ARHGEF3: variants seen among roughly 807,000 people sequenced by gnomAD.
ARHGEF3 encodes the protein 59.8 kDA protein.
ARHGEF3 carries 28 observed loss-of-function variants against 63.2 expected under a neutral mutation model. That is an observed-to-expected ratio of 0.44 (90% CI 0.33 to 0.61). The LOEUF (loss-of-function observed/expected upper bound fraction) is 0.61. Among genes scored for constraint, ARHGEF3 ranks in the 20% least tolerant of loss-of-function variants. ARHGEF3 has a pLI of 0.03. For missense variants in ARHGEF3, 533 were observed against 659.3 expected, an observed-to-expected ratio of 0.81 and a Z score of 2.10; for synonymous variants, 266 against 254.2, an observed-to-expected ratio of 1.05 and a Z score of -0.44.
intron 4 of ARHGEF3, among the ~76,000 whole-genome samples, chr3:56,836,782 C>A (rs954436667): frequency 2.0e-5 from 3 of 152,082 alleles, no homozygotes; most frequent in Admixed American, 2.0e-4. Flanking sequence ...CAAAAATTAG[C>A]TGGGTATGGT....
intron 1 of ARHGEF3, among the ~76,000 whole-genome samples, chr3:57,054,685 C>A (rs1175485007): frequency 6.9e-6 from 1 of 145,602 alleles, no homozygotes; most frequent in Admixed American, 6.9e-5. Flanking sequence ...CACTCTGTCA[C>A]CAGGCTGGAG....
intron 2 of ARHGEF3, among the ~76,000 whole-genome samples, chr3:56,755,527 A>C (rs922878428): frequency 6.6e-6 from 1 of 152,172 alleles, no homozygotes; most frequent in African/African-American, 2.4e-5. Flanking sequence ...GATGGCCTTT[A>C]TTTATTCAAA....
At chr3:56,885,735 T>G (rs2040901522) in intron 3 of ARHGEF3, among the ~76,000 whole-genome samples, 1 of 152,188 alleles carries the variant, frequency 6.6e-6, no homozygotes, top group Non-Finnish European at 1.5e-5. Flanking sequence ...GTCTTTTTAA[T>G]TCAGCCATAG....
At chr3:56,758,123 CA>C (rs113443437) in intron 2 of ARHGEF3, among the ~76,000 whole-genome samples, 2 of 150,816 alleles carry the variant, frequency 1.3e-5, no homozygotes, top group East Asian at 2.0e-4. Flanking sequence ...ATTAAAAATA[CA>C]AAAAAAATTA....
chr3:56,958,387 G>C (rs1700136075), intron 3 of ARHGEF3, among the ~76,000 whole-genome samples: 1 of 150,786 alleles, frequency 6.6e-6, no homozygotes, highest in African/African-American at 2.4e-5. Flanking sequence ...GGAGTGCAGT[G>C]GCATGATCTC....
chr3:56,753,612 C>T (rs1277213639), intron 3 of ARHGEF3, 46 bp from the exon 4 acceptor site: 1 of 1,560,608 alleles, frequency 6.4e-7, no homozygotes, highest in South Asian at 1.1e-5. Flanking sequence ...CCTTCATTTA[C>T]AAGACCATAT....
At chr3:56,936,778 C>T (rs1416391480) in intron 3 of ARHGEF3, among the ~76,000 whole-genome samples, 2 of 152,104 alleles carry the variant, frequency 1.3e-5, no homozygotes, top group East Asian at 3.9e-4. Context: ...GGACTGCAGT[C>T]GCACAATCAC....
chr3:56,946,445 G>A (rs543574663), intron 3 of ARHGEF3, among the ~76,000 whole-genome samples: 3 of 152,312 alleles, frequency 2.0e-5, no homozygotes, highest in African/African-American at 7.2e-5. Context: ...GACTGATGGA[G>A]CTGAAAACAA....
chr3:56,994,580 C>G (rs1701900020), intron 2 of ARHGEF3, among the ~76,000 whole-genome samples: 1 of 152,082 alleles, frequency 6.6e-6, no homozygotes, highest in South Asian at 2.1e-4. Flanking sequence ...TTTCCACCAC[C>G]CTCGCTGAAG....
chr3:56,983,257 T>A (rs920681578), intron 2 of ARHGEF3, among the ~76,000 whole-genome samples: 1 of 152,030 alleles, frequency 6.6e-6, no homozygotes, highest in African/African-American at 2.4e-5. Context: ...TTTTAAAAAA[T>A]CTCATCACTA....
At chr3:56,956,607 G>A (rs1700054526) in intron 3 of ARHGEF3, among the ~76,000 whole-genome samples, 1 of 152,222 alleles carries the variant, frequency 6.6e-6, no homozygotes, top group African/African-American at 2.4e-5. Context: ...AATTGTCCCA[G>A]TTAGCCTGGT....
Position 56,753,534 on chromosome 3 carries a change from G to A in ARHGEF3, c.408C>T (p.Asp136=), listed in dbSNP as rs1238229364. The A allele has an allele frequency of 6.8e-6, 11 of 1,613,694 alleles. No homozygotes were observed. The highest frequency in any genetic ancestry group is 1.3e-5 in the African/African-American group (1 of 74,884). The change falls in exon 4 of 10, where the codon GAC becomes GAT. Residue 136 remains aspartate, a synonymous_variant. Coordinates refer to ENST00000296315, the MANE Select transcript of ARHGEF3 (RefSeq NM_019555.3). ...TTGCTAATTTCAAGTCTTCTATCAA[G>A]TCTTCTTCTCCTTGGGAAAGCTCAA... is the stretch of plus-strand genomic sequence containing the variant. The part of the protein sequence containing the change: ...AIFELSQGEE[D]LIEDLKLAKK...
At position 57,039,711 on chromosome 3, in the gene ARHGEF3, T is replaced by C. The variant is rs556979143; in HGVS notation, c.-27-4535A>G. ...CCTCGGCTTGTGGCTCCTCCTCTTGTTTTCATTGCCAGCAATGGTATCTTC... is the reference window on the plus strand; with the variant it reads ...CCTCGGCTTGTGGCTCCTCCTCTTGCTTTCATTGCCAGCAATGGTATCTTC... On this transcript the variant is annotated intron_variant, in intron 1 of 12. Transcript: ENST00000338458. Among the ~76,000 whole-genome samples, 26 of 152,294 alleles carry C rather than the reference T, an allele frequency of 1.7e-4. 1 individual carries two copies. The South Asian group carries it at 5.2e-3, about 30-fold the overall frequency.
rs1412331586 is a variant in ARHGEF3 at position 56,838,574 on chromosome 3, T to C, written c.192+43718A>G. On this transcript the variant is annotated intron_variant, in intron 4 of 12. Transcript: ENST00000338458. Reference sequence around the variant, plus strand: ...TCTAAGAAGCCCCAGTACATAGTTATATCATCTTAACAGTTAGCAGCTGCA... The same window carrying C: ...TCTAAGAAGCCCCAGTACATAGTTACATCATCTTAACAGTTAGCAGCTGCA... Among the ~76,000 whole-genome samples the C allele has an allele frequency of 2.6e-5, 4 of 152,212 alleles. No individual in the cohort carries two copies. The East Asian group carries it at 7.7e-4, about 29-fold the overall frequency.
chr3:57,069,411 A>ACACACACACACACAC (rs71076015), intron 1 of ARHGEF3, among the ~76,000 whole-genome samples: 1 of 147,696 alleles, frequency 6.8e-6, no homozygotes, highest in African/African-American at 2.5e-5. Context: ...ACACACACAC[A>ACACACACACACACAC]TTGTTTGTTT....
intron 4 of ARHGEF3, among the ~76,000 whole-genome samples, chr3:56,849,470 T>C (rs1478728908): frequency 2.0e-5 from 3 of 152,068 alleles, no homozygotes; most frequent in Non-Finnish European, 4.4e-5. Context: ...TTTTCATCAG[T>C]AAAAATGGGA....
At chr3:56,835,594 G>A (rs1052795542) in intron 4 of ARHGEF3, among the ~76,000 whole-genome samples, 21 of 152,154 alleles carry the variant, frequency 1.4e-4, no homozygotes, top group African/African-American at 4.8e-4. Flanking sequence ...TTAATTCAGA[G>A]TATGATTTAA....
At chr3:56,897,565 C>CTT (rs111905728) in intron 3 of ARHGEF3, among the ~76,000 whole-genome samples, 17 of 144,264 alleles carry the variant, frequency 1.2e-4, no homozygotes, top group African/African-American at 2.8e-4. Flanking sequence ...CTATATGTAT[C>CTT]TTTTTTTTTT....
intron 1 of ARHGEF3, chr3:57,074,112 A>G (rs1460573019): frequency 6.2e-7 from 1 of 1,613,686 alleles, no homozygotes; most frequent in Non-Finnish European, 8.5e-7. Flanking sequence ...TAATGAGAGG[A>G]CCACAGGATG....
Sources: gnomAD v4.1 joint callset for allele counts (sites outside exome capture counted in the v4.1 genomes callset) on GRCh38, gnomAD v4.1.1 for gene constraint, MANE v1.5 for transcripts, NCBI Gene and HGNC (gene_info 2026-07-23, HGNC 2026-07-21) for gene names.